Variants in MBD2 observed in about 807,000 individuals in gnomAD.
MBD2 encodes the protein methyl-CpG binding domain protein 2, also known as methyl-CpG-binding domain protein 2.
MBD2 carries 9 observed loss-of-function variants against 39.3 expected under a neutral mutation model. The observed-to-expected ratio is 0.23, with a 90% CI of 0.14 to 0.40. MBD2 has a LOEUF of 0.40. Ranked by LOEUF, MBD2 falls within the 10% of genes least tolerant of loss-of-function variation. MBD2 has a pLI of 1.00. For missense variants in MBD2, 458 were observed against 532.6 expected (o/e 0.86, Z 1.38); for synonymous variants, 233 against 211.1 (o/e 1.10, Z -0.90).
At chr18:54,175,240 G>A (rs2086203691) in intron 3 of MBD2, among the ~76,000 whole-genome samples, 1 of 152,158 alleles carries the variant, frequency 6.6e-6, no homozygotes, top group Non-Finnish European at 1.5e-5. Flanking sequence ...CCAAACTCCT[G>A]TTTTTTATTG....
At chr18:54,160,440 C>T (rs2086087905) in intron 5 of MBD2, among the ~76,000 whole-genome samples, 2 of 151,844 alleles carry the variant, frequency 1.3e-5, no homozygotes, top group Non-Finnish European at 2.9e-5. Flanking sequence ...GCCAAGACTA[C>T]ATGATCCTGC....
intron 4 of MBD2, 48 bp from the exon 5 acceptor site, chr18:54,164,748 G>A: frequency 6.7e-7 from 1 of 1,495,300 alleles, no homozygotes; most frequent in Non-Finnish European, 9.2e-7. Flanking sequence ...TCAATGTGCT[G>A]AGCAAACTTT....
chr18:54,173,701 G>A, intron 3 of MBD2, among the ~76,000 whole-genome samples: 1 of 152,144 alleles, frequency 6.6e-6, no homozygotes, highest in East Asian at 1.9e-4. Flanking sequence ...TTCTCATTGG[G>A]AGGAACAGAA....
In MBD2 at chr18:54,155,643, A is replaced by G. The variant is rs369945810; in HGVS notation, c.*13-332T>C. 1.2e-3 allele frequency among the ~76,000 whole-genome samples: 181 copies of G among 152,358 alleles called. 1 individual carries two copies. The highest frequency in any genetic ancestry group is 4.3e-3 in the African/African-American group (177 of 41,588). The stretch of plus-strand genomic sequence containing the variant: ...AATTCAAAGGGCATACAAATGAAAA[A>G]GCAGAACAGATACAGACCAATCCAA... On this transcript the variant is annotated intron_variant, in intron 6 of 6. Coordinates refer to ENST00000256429, the MANE Select transcript of MBD2 (RefSeq NM_003927.5).
intron 1 of MBD2, among the ~76,000 whole-genome samples, chr18:54,207,848 T>G (rs1307690984): frequency 1.3e-5 from 2 of 151,558 alleles, no homozygotes; most frequent in Non-Finnish European, 2.9e-5. Context: ...CCATCCTGGC[T>G]AACACGGTGA....
At chr18:54,203,256 T>G (rs2086423267) in intron 2 of MBD2, 1 of 928,884 alleles carries the variant, frequency 1.1e-6, no homozygotes, top group Non-Finnish European at 1.6e-6. Context: ...ACTCTTCATT[T>G]CATAAATACT....
intron 1 of MBD2, among the ~76,000 whole-genome samples, chr18:54,214,888 C>T (rs1427557917): frequency 6.6e-6 from 1 of 151,848 alleles, no homozygotes; most frequent in African/African-American, 2.4e-5. Flanking sequence ...GACAGGCGCC[C>T]GCCAACAGGC....
In MBD2 at chr18:54,159,788, C is replaced by G; in HGVS notation, c.1225G>C (p.Asp409His). 6.2e-7 allele frequency: 1 copy of G among 1,610,694 alleles called. No individual in the cohort carries two copies. The highest frequency in any genetic ancestry group is 8.5e-7 in the Non-Finnish European group (1 of 1,179,948). The change falls in exon 6 of 7, where the codon GAT becomes CAT. Residue 409 changes from aspartate to histidine, a missense_variant. By Grantham distance (81) the Asp-to-His change is moderately conservative. Coordinates refer to ENST00000256429, the MANE Select transcript of MBD2 (RefSeq NM_003927.5). ...EEMDIEMDSG[D>H]EA is the part of the protein sequence containing the mutation. ...ACCTGATCATATTCTTAGGCTTCAT[C>G]TCCACTGTCCATTTCAATATCCATC... is the stretch of plus-strand genomic sequence containing the variant.
intron 3 of MBD2, among the ~76,000 whole-genome samples, chr18:54,187,301 G>C (rs952731736): frequency 2.6e-5 from 4 of 152,170 alleles, no homozygotes; most frequent in African/African-American, 9.7e-5. Context: ...ACTAATTAAA[G>C]ATTACATTCC....
intron 1 of MBD2, among the ~76,000 whole-genome samples, chr18:54,211,427 G>A (rs899267659): frequency 2.6e-4 from 33 of 128,790 alleles, no homozygotes; most frequent in African/African-American, 8.0e-4. Flanking sequence ...ACACACGCAA[G>A]CACGCACGAG....
intron 1 of MBD2, among the ~76,000 whole-genome samples, chr18:54,208,490 CAATAA>C (rs980547414): frequency 7.3e-4 from 111 of 152,118 alleles, no homozygotes; most frequent in South Asian, 4.2e-3. Context: ...AACTCTGTCT[CAATAA>C]AATAAAATAA....
intron 2 of MBD2, among the ~76,000 whole-genome samples, chr18:54,193,058 A>G (rs2086334169): frequency 6.6e-6 from 1 of 152,232 alleles, no homozygotes; most frequent in African/African-American, 2.4e-5. Context: ...TATCACATGA[A>G]GCTGAGCAAT....
At chr18:54,220,921 C>A (rs2086606213) in intron 1 of MBD2, among the ~76,000 whole-genome samples, 1 of 152,156 alleles carries the variant, frequency 6.6e-6, no homozygotes, top group Non-Finnish European at 1.5e-5. Context: ...TGTTAACAAT[C>A]CTGCAAAGTA....
chr18:54,176,598 A>G (rs1274228228), intron 3 of MBD2, among the ~76,000 whole-genome samples: 2 of 152,258 alleles, frequency 1.3e-5, no homozygotes, highest in African/African-American at 2.4e-5. Context: ...TACGTGGATG[A>G]ATGGTGTTTC....
At chr18:54,184,965 C>T (rs1823930586) in intron 3 of MBD2, among the ~76,000 whole-genome samples, 1 of 152,278 alleles carries the variant, frequency 6.6e-6, no homozygotes, top group South Asian at 2.1e-4. Flanking sequence ...ATCTATTTGT[C>T]AGTCATTAAG....
chr18:54,222,768 G>C (rs1277649756), intron 1 of MBD2, among the ~76,000 whole-genome samples: 1 of 152,188 alleles, frequency 6.6e-6, no homozygotes, highest in Non-Finnish European at 1.5e-5. Flanking sequence ...TCCATATATA[G>C]CAACCATCAG....
At chr18:54,214,309 C>A (rs1056445261) in intron 1 of MBD2, among the ~76,000 whole-genome samples, 2 of 152,028 alleles carry the variant, frequency 1.3e-5, no homozygotes, top group South Asian at 2.1e-4. Flanking sequence ...AATCCTCCCA[C>A]CTCAGCCTCC....
chr18:54,204,520 C>T (rs958689401), intron 2 of MBD2, among the ~76,000 whole-genome samples: 2 of 152,070 alleles, frequency 1.3e-5, no homozygotes, highest in Non-Finnish European at 2.9e-5. Flanking sequence ...TAAGCGCTAA[C>T]GGAAAAATAT....
intron 6 of MBD2, 40 bp downstream of exon 6, chr18:54,159,725 C>T: frequency 1.3e-6 from 2 of 1,592,552 alleles, no homozygotes; most frequent in Non-Finnish European, 1.7e-6. Flanking sequence ...CAAGAAAACA[C>T]ACCTTAAGTT....
Sources: gnomAD v4.1 joint callset for allele counts (sites outside exome capture counted in the v4.1 genomes callset) on GRCh38, gnomAD v4.1.1 for gene constraint, MANE v1.5 for transcripts, NCBI Gene and HGNC (gene_info 2026-07-23, HGNC 2026-07-21) for gene names.